MTCH2: variants seen among roughly 807,000 people sequenced by gnomAD.
The protein encoded by MTCH2 is mitochondrial carrier 2.
MTCH2 carries 25 observed loss-of-function variants against 50.6 expected under a neutral mutation model. The ratio of observed to expected loss-of-function variants is 0.49; its 90% CI spans 0.36 to 0.69. The LOEUF (loss-of-function observed/expected upper bound fraction) is 0.69. MTCH2 is among the 30% of genes least tolerant of loss of function. The pLI is 0.00. For missense variants in MTCH2, 273 were observed against 384.4 expected, an observed-to-expected ratio of 0.71 and a Z score of 2.42; for synonymous variants, 106 against 132.0, an observed-to-expected ratio of 0.80 and a Z score of 1.35.
intron 12 of MTCH2, among the ~76,000 whole-genome samples, chr11:47,622,198 TAATA>T (rs1226991971): frequency 3.9e-5 from 6 of 152,114 alleles, no homozygotes; most frequent in Admixed American, 1.3e-4. Flanking sequence ...TTTGCCTAGA[TAATA>T]AATAATTTTT....
intron 1 of MTCH2, among the ~76,000 whole-genome samples, chr11:47,640,203 C>T (rs535697352): frequency 1.2e-4 from 18 of 151,978 alleles, no homozygotes; most frequent in African/African-American, 3.6e-4. Flanking sequence ...GTGGCGGACA[C>T]CTGTAATCCC....
intron 8 of MTCH2, 110 bp downstream of exon 8, chr11:47,630,445 A>C: frequency 1.0e-6 from 1 of 966,716 alleles, no homozygotes; most frequent in Non-Finnish European, 1.6e-6. Context: ...ACGTGAGGTA[A>C]GCCCAGGGAG....
At chr11:47,635,505 A>C (rs1435638826) in intron 4 of MTCH2, 40 bp downstream of exon 4, 1 of 1,607,210 alleles carries the variant, frequency 6.2e-7, no homozygotes, top group Admixed American at 1.7e-5. Context: ...ACAACTTGCA[A>C]GGGAAAGGCC....
chr11:47,606,167 G>A, the MTCH2 span, among the ~76,000 whole-genome samples: 1 of 152,084 alleles, frequency 6.6e-6, no homozygotes. Flanking sequence ...TAGGTGGTTA[G>A]GTTTTCTCTT....
At chr11:47,623,430 T>C (rs948499654) in intron 11 of MTCH2, among the ~76,000 whole-genome samples, 1 of 148,608 alleles carries the variant, frequency 6.7e-6, no homozygotes, top group African/African-American at 2.5e-5. Flanking sequence ...AACTAACTGG[T>C]GTTCACAAAG....
the MTCH2 span, among the ~76,000 whole-genome samples, chr11:47,608,004 G>A: frequency 6.6e-6 from 1 of 152,206 alleles, no homozygotes; most frequent in African/African-American, 2.4e-5. Flanking sequence ...GGGACGCAAT[G>A]CATGTGCGTG....
At chr11:47,616,972 T>C (rs1270144394), downstream of MTCH2, among the ~76,000 whole-genome samples, 1 of 152,174 alleles carries the variant, frequency 6.6e-6, no homozygotes, top group African/African-American at 2.4e-5. Flanking sequence ...GCATGAGCCA[T>C]TGCGCCCGGT....
At chr11:47,623,510 T>C (rs1008612421) in intron 11 of MTCH2, among the ~76,000 whole-genome samples, 7 of 152,200 alleles carry the variant, frequency 4.6e-5, no homozygotes, top group African/African-American at 1.7e-4. Flanking sequence ...CACTTCATCT[T>C]GAAAAAACTG....
chr11:47,640,959 C>T (rs1392832874), intron 1 of MTCH2, among the ~76,000 whole-genome samples: 2 of 151,950 alleles, frequency 1.3e-5, no homozygotes, highest in East Asian at 3.9e-4. Flanking sequence ...TACAATGGCG[C>T]GATCTCGGCT....
chr11:47,625,888 GT>G (rs1310069810), intron 10 of MTCH2, 147 bp from the exon 11 acceptor site: 1 of 560,912 alleles, frequency 1.8e-6, no homozygotes, highest in African/African-American at 1.9e-5. Flanking sequence ...AACAGTTACA[GT>G]TTTGAGCCTG....
Position 47,627,091 on chromosome 11 carries a change from C to T in MTCH2, c.670G>A (p.Ala224Thr). The change falls in exon 10 of 13, where the codon GCT becomes ACT. Residue 224 changes from alanine (A) to threonine (T), a missense_variant. Physicochemically the swap from Ala to Thr is moderately conservative, Grantham distance 58 (BLOSUM62 0). Coordinates refer to ENST00000302503, the MANE Select transcript of MTCH2 (RefSeq NM_014342.4). Reference protein sequence around the residue: ...TMNEMKSYSQAVTGFFASMLT... With the variant: ...TMNEMKSYSQTVTGFFASMLT... ...TTTAAAAAACTCACTCCTGTGACAG[C>T]TTGAGAATAACTCTTCATTTCATTC... 6.2e-7 allele frequency: 1 copy of T among 1,600,254 alleles called. No individual in the cohort carries two copies. The highest frequency in any genetic ancestry group is 8.5e-7 in the Non-Finnish European group (1 of 1,171,628).
At chr11:47,619,695 C>T (rs1165903380) in intron 12 of MTCH2, among the ~76,000 whole-genome samples, 1 of 152,116 alleles carries the variant, frequency 6.6e-6, no homozygotes, top group Non-Finnish European at 1.5e-5. Flanking sequence ...AATCCTAGCA[C>T]TTTGAGAGAC....
At chr11:47,606,216 C>A in the MTCH2 span, among the ~76,000 whole-genome samples, 1 of 152,152 alleles carries the variant, frequency 6.6e-6, no homozygotes. Flanking sequence ...CCTCTAACCC[C>A]TGTTTTGCTG....
the MTCH2 span, among the ~76,000 whole-genome samples, chr11:47,606,870 C>T: frequency 6.6e-6 from 1 of 152,190 alleles, no homozygotes; most frequent in Non-Finnish European, 1.5e-5. Flanking sequence ...GTTTATCAGC[C>T]ACTCAGCGAC....
At chr11:47,629,129 TA>T in intron 8 of MTCH2, 83 bp from the exon 9 acceptor site, 1 of 1,167,684 alleles carries the variant, frequency 8.6e-7, no homozygotes, top group Non-Finnish European at 1.2e-6. Flanking sequence ...GTTTGTCAAA[TA>T]ATTAGAGGTC....
intron 10 of MTCH2, 28 bp from the exon 11 acceptor site, chr11:47,625,769 A>G (rs188681664): frequency 1.3e-6 from 2 of 1,564,202 alleles, no homozygotes; most frequent in African/African-American, 1.4e-5. Context: ...GGCAGCTGTT[A>G]TTAGATCATT....
chr11:47,630,614 A>G lies in MTCH2; in HGVS notation c.480T>C (p.Cys160=), dbSNP rs1369917489. The change falls in exon 8 of 13, where the codon TGT becomes TGC. Residue 160 remains cysteine (C), a splice_region_variant and synonymous_variant. Coordinates refer to ENST00000302503, the MANE Select transcript of MTCH2 (RefSeq NM_014342.4). ...VQFIGRESKY[C]GLCDSIITIY... ...TGGTTATTATGGAATCACAAAGTCC[A>G]CTACGTACACAAGAAGAAAAGGTAA... 1 of 1,609,836 alleles carries G rather than the reference A, an allele frequency of 6.2e-7. No homozygotes were observed. The highest frequency in any genetic ancestry group is 1.1e-5 in the South Asian group (1 of 90,862).
intron 5 of MTCH2, among the ~76,000 whole-genome samples, chr11:47,633,686 G>A (rs1159687082): frequency 1.3e-5 from 2 of 150,168 alleles, no homozygotes; most frequent in African/African-American, 4.9e-5. Flanking sequence ...ACAGACATGC[G>A]CCACCATGCC....
At chr11:47,605,731 G>C in the MTCH2 span, among the ~76,000 whole-genome samples, 1 of 152,098 alleles carries the variant, frequency 6.6e-6, no homozygotes, top group African/African-American at 2.4e-5. Context: ...CTCTGAGATC[G>C]ATATTTTCCT....
Sources: gnomAD v4.1 joint callset for allele counts (sites outside exome capture counted in the v4.1 genomes callset) on GRCh38, gnomAD v4.1.1 for gene constraint, MANE v1.5 for transcripts, NCBI Gene and HGNC (gene_info 2026-07-23, HGNC 2026-07-21) for gene names.